The following ZMYM4 variants were observed in gnomAD, a reference collection of about 807,000 sequenced individuals.
ZMYM4 encodes the protein zinc finger MYM-type containing 4.
A neutral mutation model predicts 183.2 loss-of-function variants in ZMYM4; 31 were observed. That is an observed-to-expected ratio of 0.17 (90% CI 0.13 to 0.23). The LOEUF (loss-of-function observed/expected upper bound fraction) is 0.23. ZMYM4 is among the 10% of genes least tolerant of loss of function. The pLI is 1.00. For missense variants in ZMYM4, 1,273 were observed against 1,840.3 expected (o/e 0.69, Z 5.64); for synonymous variants, 592 against 631.2 (o/e 0.94, Z 0.93).
At chr1:35,397,896 A>G (rs1644837455) in intron 20 of ZMYM4, among the ~76,000 whole-genome samples, 1 of 152,196 alleles carries the variant, frequency 6.6e-6, no homozygotes, top group African/African-American at 2.4e-5. Context: ...GGTAAATAGA[A>G]CCTTAGGATG....
chr1:35,350,926 A>T (rs1341855910), intron 2 of ZMYM4: 3 of 653,876 alleles, frequency 4.6e-6, no homozygotes, highest in Non-Finnish European at 5.5e-6. Context: ...GCCCTTATAG[A>T]GGGGGATATG....
At chr1:35,307,530 A>AT (rs1478097477) in intron 1 of ZMYM4, among the ~76,000 whole-genome samples, 1 of 147,572 alleles carries the variant, frequency 6.8e-6, no homozygotes, top group African/African-American at 2.5e-5. Context: ...TATTATTATT[A>AT]TTATTATTAT....
chr1:35,379,321 G>T lies in ZMYM4; in HGVS notation c.1182-1938G>T, dbSNP rs928143927. The stretch of plus-strand genomic sequence containing the variant: ...TCACCATGTTGGCCAGAATGGTCTG[G>T]ATCTCTTGACCTTGTGACCCACCCA... On this transcript the variant is annotated intron_variant, in intron 7 of 29. Transcript: ENST00000314607. Among the ~76,000 whole-genome samples the T allele has an allele frequency of 4.6e-5, 7 of 152,248 alleles. No individual in the cohort carries two copies. The South Asian group carries it at 8.3e-4, about 18-fold the overall frequency.
chr1:35,351,521 A>C, intron 2 of ZMYM4: 1 of 1,308,142 alleles, frequency 7.6e-7, no homozygotes, highest in Non-Finnish European at 1.1e-6. Context: ...GAACCATCCC[A>C]AAATATCCCT....
At chr1:35,301,531 G>A (rs547138192) in intron 1 of ZMYM4, among the ~76,000 whole-genome samples, 48 of 149,060 alleles carry the variant, frequency 3.2e-4, no homozygotes, top group African/African-American at 1.1e-3. Context: ...GGGTGACAGA[G>A]TGAGAGGGTG....
intron 1 of ZMYM4, chr1:35,310,409 T>C: frequency 5.3e-6 from 1 of 187,606 alleles, no homozygotes; most frequent in Non-Finnish European, 1.1e-5. Flanking sequence ...AGTTTGATAG[T>C]AATTTTTGAT....
chr1:35,356,866 A>C (rs1198899245), intron 2 of ZMYM4, among the ~76,000 whole-genome samples: 1 of 152,112 alleles, frequency 6.6e-6, no homozygotes, highest in Non-Finnish European at 1.5e-5. Context: ...GAAGAGAGCA[A>C]CTTGAGCAAA....
chr1:35,378,477 G>T (rs969935860), intron 7 of ZMYM4, among the ~76,000 whole-genome samples: 5 of 152,308 alleles, frequency 3.3e-5, no homozygotes, highest in African/African-American at 1.2e-4. Flanking sequence ...CTGCAGAATA[G>T]ATACTGGGTA....
intron 1 of ZMYM4, chr1:35,310,476 T>C (rs1641742799): frequency 6.5e-6 from 1 of 154,514 alleles, no homozygotes; most frequent in Admixed American, 6.5e-5. Flanking sequence ...TAAAAATCTC[T>C]TGTAATTTTA....
intron 2 of ZMYM4, among the ~76,000 whole-genome samples, chr1:35,354,349 G>A (rs377471085): frequency 5.3e-5 from 8 of 152,086 alleles, no homozygotes; most frequent in Non-Finnish European, 1.2e-4. Context: ...GAACACATAC[G>A]CTGTTTTCAG....
intron 7 of ZMYM4, among the ~76,000 whole-genome samples, chr1:35,378,951 C>T (rs1276587334): frequency 6.6e-6 from 1 of 152,206 alleles, no homozygotes; most frequent in Non-Finnish European, 1.5e-5. Flanking sequence ...ACTTCTGCAG[C>T]TTCTTTACCT....
chr1:35,273,643 A>G (rs1639725813), intron 1 of ZMYM4, among the ~76,000 whole-genome samples: 1 of 152,204 alleles, frequency 6.6e-6, no homozygotes. Flanking sequence ...GAGAAAGCAT[A>G]TGTATAAGTA....
intron 20 of ZMYM4, among the ~76,000 whole-genome samples, chr1:35,398,082 G>A (rs1049441859): frequency 2.0e-5 from 3 of 152,114 alleles, no homozygotes; most frequent in Non-Finnish European, 2.9e-5. Context: ...TGGGGAGGGG[G>A]TACTATGTAT....
chr1:35,354,068 G>A (rs1026470330), intron 2 of ZMYM4, among the ~76,000 whole-genome samples: 1 of 152,066 alleles, frequency 6.6e-6, no homozygotes, highest in Non-Finnish European at 1.5e-5. Context: ...AGGATCACCT[G>A]AGCCCAGGAG....
At chr1:35,299,326 A>G (rs896037800) in intron 1 of ZMYM4, among the ~76,000 whole-genome samples, 1 of 152,204 alleles carries the variant, frequency 6.6e-6, no homozygotes, top group Non-Finnish European at 1.5e-5. Flanking sequence ...ATTGGACAAA[A>G]CACACAAACA....
intron 1 of ZMYM4, among the ~76,000 whole-genome samples, chr1:35,321,941 A>G (rs971794871): frequency 2.6e-5 from 4 of 152,004 alleles, no homozygotes; most frequent in Non-Finnish European, 5.9e-5. Flanking sequence ...ACAGATGACA[A>G]CTGCAATATT....
chr1:35,352,059 CA>C (rs1277085644), intron 2 of ZMYM4, among the ~76,000 whole-genome samples: 1 of 152,102 alleles, frequency 6.6e-6, no homozygotes, highest in African/African-American at 2.4e-5. Flanking sequence ...AAGCATACTA[CA>C]AAGCTGTAAT....
intron 18 of ZMYM4, among the ~76,000 whole-genome samples, chr1:35,395,812 G>A (rs1311370778): frequency 6.6e-6 from 1 of 152,154 alleles, no homozygotes; most frequent in Non-Finnish European, 1.5e-5. Context: ...CTATACAGAA[G>A]TATGGTATAT....
chr1:35,290,822 G>A lies in ZMYM4; in HGVS notation c.39+21737G>A, dbSNP rs554799640. ...TGAATTGTGCAATTTAAATTGATGA[G>A]TTATGTGGCATTTGAATTATATCTC... On this transcript the variant is annotated intron_variant, in intron 1 of 29. Transcript: ENST00000314607. Among the ~76,000 whole-genome samples the A allele has an allele frequency of 1.2e-3, 177 of 152,252 alleles. 1 individual carries two copies. Among genetic ancestry groups the A allele is most frequent in the African/African-American group, 4.1e-3 (172 of 41,552 alleles).
Sources: allele counts gnomAD v4.1 joint callset (sites outside exome capture counted in the v4.1 genomes callset), GRCh38; gene constraint gnomAD v4.1.1; transcripts MANE v1.5; gene names NCBI Gene and HGNC (gene_info 2026-07-23, HGNC 2026-07-21).